NOS1AP: variants seen among roughly 807,000 people sequenced by gnomAD.
NOS1AP encodes the protein carboxyl-terminal PDZ ligand of neuronal nitric oxide synthase protein.
A neutral mutation model predicts 56.2 loss-of-function variants in NOS1AP; 21 were observed. That is an observed-to-expected ratio of 0.37 (90% CI 0.26 to 0.54). NOS1AP has a LOEUF of 0.54. Ranked by LOEUF, NOS1AP falls within the 20% of genes least tolerant of loss-of-function variation. The pLI, the probability that NOS1AP is intolerant of heterozygous loss-of-function variation, is 0.84. For synonymous variants in NOS1AP, 270 were observed against 274.6 expected, an observed-to-expected ratio of 0.98 and a Z score of 0.17; for missense variants, 522 against 657.8, an observed-to-expected ratio of 0.79 and a Z score of 2.26.
intron 2 of NOS1AP, among the ~76,000 whole-genome samples, chr1:162,228,322 A>G (rs1484530841): frequency 6.6e-6 from 1 of 152,224 alleles, no homozygotes; most frequent in African/African-American, 2.4e-5. Flanking sequence ...TGTGAGTGTA[A>G]ATAGAAATAA....
At chr1:162,206,562 C>T (rs1242511794) in intron 2 of NOS1AP, among the ~76,000 whole-genome samples, 1 of 152,222 alleles carries the variant, frequency 6.6e-6, no homozygotes, top group Non-Finnish European at 1.5e-5. Flanking sequence ...AATAGTTTGT[C>T]AACCTCTGAA....
intron 8 of NOS1AP, among the ~76,000 whole-genome samples, chr1:162,357,949 C>G (rs1657755632): frequency 6.7e-6 from 1 of 148,528 alleles, no homozygotes; most frequent in Non-Finnish European, 1.5e-5. Flanking sequence ...GACATTCATT[C>G]ATACCCAAGG....
intron 2 of NOS1AP, among the ~76,000 whole-genome samples, chr1:162,275,478 T>G (rs553756026): frequency 8.7e-4 from 132 of 152,356 alleles, no homozygotes; most frequent in African/African-American, 3.1e-3. Flanking sequence ...TGATGCACTT[T>G]GAATTATTTC....
chr1:162,159,588 G>C (rs1650114285), intron 2 of NOS1AP, among the ~76,000 whole-genome samples: 1 of 152,056 alleles, frequency 6.6e-6, no homozygotes, highest in Non-Finnish European at 1.5e-5. Context: ...CTTCCTTGGG[G>C]AGGCCTTTCC....
chr1:162,112,123 A>G (rs1445537784), intron 1 of NOS1AP, among the ~76,000 whole-genome samples: 1 of 152,012 alleles, frequency 6.6e-6, no homozygotes, highest in East Asian at 1.9e-4. Flanking sequence ...GCAGCTCTAC[A>G]TTTTCTAGCT....
At chr1:162,095,880 C>T (rs1038329861) in intron 1 of NOS1AP, among the ~76,000 whole-genome samples, 5 of 152,176 alleles carry the variant, frequency 3.3e-5, no homozygotes, top group African/African-American at 1.2e-4. Flanking sequence ...AACTGTAAAG[C>T]ACCCTTCAAA....
Position 162,357,667 on chromosome 1 carries a change from T to A in NOS1AP, c.939+531T>A, listed in dbSNP as rs369495282. On this transcript the variant is annotated intron_variant, in intron 8 of 9. Transcript: ENST00000361897. ...TATTCCAGGCAGTATTTGATTGGAA[T>A]TCATTATTGTAGGATTTAACTTACA... Among the ~76,000 whole-genome samples the A allele has an allele frequency of 2.0e-4, 30 of 151,996 alleles. 1 individual carries two copies. Among genetic ancestry groups the A allele is most frequent in the Admixed American group, 6.6e-4 (10 of 15,250 alleles).
chr1:162,240,569 T>C (rs1653459925), intron 2 of NOS1AP, among the ~76,000 whole-genome samples: 1 of 152,168 alleles, frequency 6.6e-6, no homozygotes, highest in Non-Finnish European at 1.5e-5. Context: ...ACACTGTCTA[T>C]ATGAATTGAA....
At chr1:162,358,833 A>G (rs1251463550) in intron 8 of NOS1AP, among the ~76,000 whole-genome samples, 1 of 152,254 alleles carries the variant, frequency 6.6e-6, no homozygotes, top group Non-Finnish European at 1.5e-5. Context: ...TGATTTTATC[A>G]GGGAGGCATT....
At chr1:162,353,131 A>G (rs780854249) in intron 6 of NOS1AP, among the ~76,000 whole-genome samples, 5 of 143,180 alleles carry the variant, frequency 3.5e-5, no homozygotes, top group Non-Finnish European at 7.5e-5. Flanking sequence ...CATTGTCTTC[A>G]CTCAAGCCCT....
At chr1:162,255,266 C>G (rs1346219043) in intron 2 of NOS1AP, among the ~76,000 whole-genome samples, 2 of 152,146 alleles carry the variant, frequency 1.3e-5, no homozygotes, top group African/African-American at 4.8e-5. Context: ...CCCCCTCACT[C>G]CAAACTGGGA....
intron 2 of NOS1AP, among the ~76,000 whole-genome samples, chr1:162,158,794 T>A (rs1195728968): frequency 6.6e-6 from 1 of 152,128 alleles, no homozygotes; most frequent in Non-Finnish European, 1.5e-5. Flanking sequence ...TAAGGGACAC[T>A]CCCCAGAACT....
At chr1:162,117,495 C>T (rs1227445795) in intron 1 of NOS1AP, among the ~76,000 whole-genome samples, 1 of 152,162 alleles carries the variant, frequency 6.6e-6, no homozygotes, top group East Asian at 1.9e-4. Flanking sequence ...GGGAGGGAGA[C>T]ATAGGGAAGT....
chr1:162,115,261 C>G (rs1262222960), intron 1 of NOS1AP, among the ~76,000 whole-genome samples: 2 of 152,162 alleles, frequency 1.3e-5, no homozygotes, highest in Non-Finnish European at 2.9e-5. Context: ...ATTTCAGATA[C>G]TGTAAGTGTA....
intron 5 of NOS1AP, among the ~76,000 whole-genome samples, chr1:162,340,516 A>G (rs1657077589): frequency 6.6e-6 from 1 of 152,232 alleles, no homozygotes. Flanking sequence ...TTTCTGTCTT[A>G]ATTGCCTCTT....
chr1:162,360,704 A>T, intron 8 of NOS1AP: 4 of 425,168 alleles, frequency 9.4e-6, no homozygotes, highest in South Asian at 6.9e-5. Context: ...TCTATTTAGC[A>T]TATGTCCCTG....
intron 9 of NOS1AP, 31 bp downstream of exon 9, chr1:162,365,600 C>T (rs1658060501): frequency 6.2e-7 from 1 of 1,604,466 alleles, no homozygotes; most frequent in Non-Finnish European, 8.5e-7. Context: ...GCCCTGCTTC[C>T]TCTGTGAAGG....
Position 162,355,206 on chromosome 1 carries a change from C to T in NOS1AP, c.615C>T (p.Ala205=), listed in dbSNP as rs61751200. The T allele has an allele frequency of 6.1e-3, 9,883 of 1,614,010 alleles. 367 individuals are homozygous for T. The African/African-American group carries it at 0.095, about 15-fold the overall frequency. The change falls in exon 7 of 10, where the codon GCC becomes GCT. Residue 205 remains alanine (A), a synonymous_variant. Coordinates refer to ENST00000361897, the MANE Select transcript of NOS1AP (RefSeq NM_014697.3). ...CTGCAGGCCGCCAGCTCACTGGAGC[C>T]GAGAGGGCCTCCACGGCCACTGCAG... ...SGDPGRQLTG[A]ERASTATAEE... is the part of the protein sequence containing the mutation.
intron 1 of NOS1AP, among the ~76,000 whole-genome samples, chr1:162,081,579 C>T (rs796078735): frequency 2.1e-5 from 3 of 145,958 alleles, no homozygotes; most frequent in African/African-American, 7.7e-5. Flanking sequence ...TGGGATTTTA[C>T]TCTGTTGCCC....
Sources: allele counts gnomAD v4.1 joint callset (sites outside exome capture counted in the v4.1 genomes callset), GRCh38; gene constraint gnomAD v4.1.1; transcripts MANE v1.5; gene names NCBI Gene and HGNC (gene_info 2026-07-23, HGNC 2026-07-21).